The following PRKCA variants were observed in gnomAD, a reference collection of about 807,000 sequenced individuals.
PRKCA encodes protein kinase C alpha.
In PRKCA, 27 loss-of-function variants were observed where a neutral mutation model predicts 87.0. The ratio of observed to expected loss-of-function variants is 0.31; its 90% CI spans 0.23 to 0.43. PRKCA has a LOEUF of 0.43. Ranked by LOEUF, PRKCA falls within the 20% of genes least tolerant of loss-of-function variation. The probability of loss-of-function intolerance (pLI) is 1.00; values close to 1 mark genes in which losing one functional copy is unlikely to be tolerated. For synonymous variants in PRKCA, 329 were observed against 311.1 expected (o/e 1.06, Z -0.61); for missense variants, 518 against 852.3 (o/e 0.61, Z 4.88).
chr17:66,348,243 A>G (rs773293503), intron 2 of PRKCA, among the ~76,000 whole-genome samples: 35 of 152,108 alleles, frequency 2.3e-4, no homozygotes, highest in Non-Finnish European at 4.1e-4. Flanking sequence ...TGCCTGGCCC[A>G]GAATCAATAA....
intron 2 of PRKCA, among the ~76,000 whole-genome samples, chr17:66,491,714 T>G (rs1916253286): frequency 6.6e-6 from 1 of 152,260 alleles, no homozygotes; most frequent in African/African-American, 2.4e-5. Context: ...TTTGTTTTAT[T>G]GAGCCAGTCT....
At chr17:66,505,775 C>T (rs8074628) in intron 3 of PRKCA, among the ~76,000 whole-genome samples, 5,533 of 152,252 alleles carry the variant, frequency 0.036, 134 homozygotes, top group Admixed American at 0.052. Context: ...GGGAACAGAT[C>T]TTTGTGTATT....
chr17:66,306,256 G>A (rs906631207), intron 2 of PRKCA, 129 bp downstream of exon 2: 1 of 1,016,536 alleles, frequency 9.8e-7, no homozygotes, highest in African/African-American at 1.7e-5. Context: ...AAATATGAGG[G>A]CTGTAAATTT....
At chr17:66,683,939 C>T (rs1972558642) in intron 5 of PRKCA, among the ~76,000 whole-genome samples, 1 of 152,094 alleles carries the variant, frequency 6.6e-6, no homozygotes, top group Admixed American at 6.6e-5. Flanking sequence ...TTGTTCTCAT[C>T]CGCTTCCCCA....
chr17:66,315,437 C>T (rs926989728), intron 2 of PRKCA, among the ~76,000 whole-genome samples: 3 of 151,956 alleles, frequency 2.0e-5, no homozygotes, highest in African/African-American at 7.2e-5. Context: ...TAAATCACAC[C>T]ATTAACTTGA....
chr17:66,573,071 G>T (rs1969125581), intron 3 of PRKCA, among the ~76,000 whole-genome samples: 1 of 152,120 alleles, frequency 6.6e-6, no homozygotes, highest in East Asian at 1.9e-4. Context: ...ACTTGTTAAT[G>T]AATCCCTCCT....
intron 2 of PRKCA, among the ~76,000 whole-genome samples, chr17:66,459,241 G>A (rs186573824): frequency 1.9e-3 from 282 of 151,868 alleles, no homozygotes; most frequent in Middle Eastern, 3.4e-3. Context: ...ATTAGCTGGA[G>A]GTGGTGGTAC....
intron 2 of PRKCA, among the ~76,000 whole-genome samples, chr17:66,469,595 C>T (rs1348647431): frequency 6.6e-6 from 1 of 152,164 alleles, no homozygotes; most frequent in Non-Finnish European, 1.5e-5. Context: ...TTGGGATTTA[C>T]TAGCATGTGA....
intron 2 of PRKCA, among the ~76,000 whole-genome samples, chr17:66,408,821 A>T (rs1911575121): frequency 2.0e-5 from 3 of 151,942 alleles, no homozygotes; most frequent in Admixed American, 2.0e-4. Flanking sequence ...TGGGAGGCCG[A>T]GGTGGGCGGA....
chr17:66,627,692 C>T (rs2036012081), intron 3 of PRKCA, among the ~76,000 whole-genome samples: 1 of 152,162 alleles, frequency 6.6e-6, no homozygotes, highest in Non-Finnish European at 1.5e-5. Context: ...GCCAAAGAGG[C>T]CAATAGCAGT....
chr17:66,563,476 C>T (rs1217710142), intron 3 of PRKCA, among the ~76,000 whole-genome samples: 1 of 152,210 alleles, frequency 6.6e-6, no homozygotes, highest in Non-Finnish European at 1.5e-5. Context: ...ACTTTAGTTT[C>T]CTCCATGCCT....
chr17:66,682,512 T>C (rs554631113), intron 5 of PRKCA, among the ~76,000 whole-genome samples: 1 of 152,368 alleles, frequency 6.6e-6, no homozygotes, highest in Admixed American at 6.5e-5. Flanking sequence ...CCGCGTTCCC[T>C]GCCAGGGCCT....
chr17:66,773,336 A>G (rs183396558), intron 13 of PRKCA, among the ~76,000 whole-genome samples: 14 of 152,254 alleles, frequency 9.2e-5, no homozygotes, highest in Non-Finnish European at 1.5e-5. Flanking sequence ...CTGTTTTTCA[A>G]TAGACTGAAT....
At chr17:66,651,876 A>T (rs1352251969) in intron 5 of PRKCA, among the ~76,000 whole-genome samples, 4 of 152,212 alleles carry the variant, frequency 2.6e-5, no homozygotes, top group Non-Finnish European at 5.9e-5. Flanking sequence ...TTTGTAATTA[A>T]TAAGGAATCT....
intron 3 of PRKCA, among the ~76,000 whole-genome samples, chr17:66,505,484 C>G (rs1175968045): frequency 6.6e-6 from 1 of 152,114 alleles, no homozygotes; most frequent in Non-Finnish European, 1.5e-5. Context: ...CAGCTGAATC[C>G]CTAGGTTGTA....
intron 3 of PRKCA, among the ~76,000 whole-genome samples, chr17:66,526,018 A>T (rs1479062158): frequency 6.6e-6 from 1 of 152,224 alleles, no homozygotes; most frequent in East Asian, 1.9e-4. Flanking sequence ...ATGTTTAAAG[A>T]AATGGTCTAA....
intron 5 of PRKCA, among the ~76,000 whole-genome samples, chr17:66,678,368 T>C (rs1472573979): frequency 1.3e-5 from 2 of 152,220 alleles, no homozygotes; most frequent in Non-Finnish European, 2.9e-5. Flanking sequence ...AGAGAATACA[T>C]TTCTGTTGTC....
intron 5 of PRKCA, among the ~76,000 whole-genome samples, chr17:66,650,795 CACCTTACCATGGT>C (rs975654511): frequency 2.0e-5 from 3 of 152,168 alleles, no homozygotes; most frequent in Non-Finnish European, 4.4e-5. Context: ...TGTGTTCTTC[CACCTTACCATGGT>C]GTATTTGTTA....
chr17:66,323,964 G>T (rs374502148), intron 2 of PRKCA, among the ~76,000 whole-genome samples: 1 of 151,904 alleles, frequency 6.6e-6, no homozygotes, highest in Non-Finnish European at 1.5e-5. Flanking sequence ...TAATCAAATC[G>T]TTATAGCCAT....
Sources: gnomAD v4.1 joint callset for allele counts (sites outside exome capture counted in the v4.1 genomes callset) on GRCh38, gnomAD v4.1.1 for gene constraint, MANE v1.5 for transcripts, NCBI Gene and HGNC (gene_info 2026-07-23, HGNC 2026-07-21) for gene names.